Variants in GALNT14 observed in about 807,000 individuals in gnomAD.
GALNT14 encodes polypeptide N-acetylgalactosaminyltransferase 14, also known as UDP-GalNAc:polypeptide N-acetylgalactosaminyltransferase 14.
In GALNT14, 60 loss-of-function variants were observed where a neutral mutation model predicts 77.5. That is an observed-to-expected ratio of 0.77 (90% confidence interval 0.63 to 0.96). GALNT14 has a LOEUF of 0.96. Among genes scored for constraint, GALNT14 ranks in the 40% least tolerant of loss-of-function variants. The pLI, the probability that GALNT14 is intolerant of heterozygous loss-of-function variation, is 0.00. For missense variants in GALNT14, 710 were observed against 731.0 expected (o/e 0.97, Z 0.33); for synonymous variants, 280 against 281.7 (o/e 0.99, Z 0.06).
chr2:31,094,181 C>T (rs1676891659), intron 1 of GALNT14, among the ~76,000 whole-genome samples: 1 of 152,230 alleles, frequency 6.6e-6, no homozygotes, highest in Non-Finnish European at 1.5e-5. Context: ...TCTCCCCAAC[C>T]CTTAAGAAGG....
intron 4 of GALNT14, among the ~76,000 whole-genome samples, chr2:30,957,450 C>T (rs1174709530): frequency 6.6e-6 from 1 of 152,056 alleles, no homozygotes; most frequent in African/African-American, 2.4e-5. Context: ...TGCTTCAGTG[C>T]CAGGCTACCC....
intron 1 of GALNT14, among the ~76,000 whole-genome samples, chr2:31,098,636 A>G (rs867529285): frequency 1.3e-5 from 2 of 152,052 alleles, no homozygotes; most frequent in Middle Eastern, 3.2e-3. Flanking sequence ...ACCCTTGAGC[A>G]GTGTGGGGGT....
intron 1 of GALNT14, among the ~76,000 whole-genome samples, chr2:31,100,027 T>C (rs1677186146): frequency 6.6e-6 from 1 of 152,032 alleles, no homozygotes; most frequent in South Asian, 2.1e-4. Flanking sequence ...TCAGGATCCT[T>C]TTATATACTT....
At position 31,052,588 on chromosome 2, in the gene GALNT14, T is replaced by C. The variant is rs561308868; in HGVS notation, c.130-59581A>G. 1.4e-4 allele frequency among the ~76,000 whole-genome samples: 21 copies of C among 152,240 alleles called. No homozygotes were observed. In the South Asian group the frequency reaches 4.4e-3, roughly 32 times the overall value. Reference sequence around the variant, plus strand: ...TTCCCACTGCAGCAGCCTGGCACTCTAGCTCCTGCCCTCAGCTCACCACTG... The same window carrying C: ...TTCCCACTGCAGCAGCCTGGCACTCCAGCTCCTGCCCTCAGCTCACCACTG... On this transcript the variant is annotated intron_variant, in intron 1 of 14. Transcript: ENST00000349752.
At chr2:30,992,762 C>T (rs527761386) in intron 2 of GALNT14, 76 bp downstream of exon 2, 4 of 1,520,114 alleles carry the variant, frequency 2.6e-6, no homozygotes, top group African/African-American at 2.7e-5. Flanking sequence ...GTGCTGCATA[C>T]AGCAGGCCCC....
intron 1 of GALNT14, among the ~76,000 whole-genome samples, chr2:31,047,125 C>T (rs1224404836): frequency 6.6e-6 from 1 of 152,158 alleles, no homozygotes; most frequent in African/African-American, 2.4e-5. Context: ...CAGTGATTAG[C>T]AGGGGAGTGC....
At chr2:31,078,951 G>A (rs1465426509) in intron 1 of GALNT14, 13 of 1,289,186 alleles carry the variant, frequency 1.0e-5, no homozygotes, top group Non-Finnish European at 1.3e-5. Context: ...GACTCATCTT[G>A]GGCCATGGCT....
intron 2 of GALNT14, among the ~76,000 whole-genome samples, chr2:30,976,337 A>G (rs80145468): frequency 0.024 from 3,589 of 152,282 alleles, 142 homozygotes; most frequent in East Asian, 0.21. Flanking sequence ...GCTGCATTTA[A>G]AGACCTCCTA....
the GALNT14 span, among the ~76,000 whole-genome samples, chr2:30,903,561 C>T: frequency 1.4e-4 from 21 of 152,312 alleles, no homozygotes; most frequent in South Asian, 2.1e-3. Flanking sequence ...CAACAGCCTG[C>T]GAGGAACCAA....
intron 1 of GALNT14, among the ~76,000 whole-genome samples, chr2:31,056,839 C>T (rs114392700): frequency 1.4e-3 from 213 of 152,276 alleles, no homozygotes; most frequent in African/African-American, 4.5e-3. Flanking sequence ...TTTCAAAATA[C>T]TTGCAACACT....
intron 9 of GALNT14, among the ~76,000 whole-genome samples, chr2:30,937,839 G>A (rs1441549278): frequency 6.6e-6 from 1 of 152,150 alleles, no homozygotes; most frequent in Non-Finnish European, 1.5e-5. Context: ...TGGGAGGGCT[G>A]TTCTCCCTAC....
chr2:31,011,994 G>C (rs1210069863), intron 1 of GALNT14, among the ~76,000 whole-genome samples: 1 of 150,118 alleles, frequency 6.7e-6, no homozygotes, highest in Admixed American at 6.6e-5. Context: ...GTTTGAAACG[G>C]GCAGGGGCAA....
intron 1 of GALNT14, among the ~76,000 whole-genome samples, chr2:31,050,343 C>T (rs893886486): frequency 2.6e-5 from 4 of 152,202 alleles, no homozygotes; most frequent in East Asian, 1.9e-4. Flanking sequence ...CTTCCCAGCA[C>T]GTAAGAAGGT....
chr2:30,912,433 G>A (rs1664425052), intron 13 of GALNT14, 91 bp from the exon 14 acceptor site: 1 of 1,453,712 alleles, frequency 6.9e-7, no homozygotes, highest in Admixed American at 2.1e-5. Flanking sequence ...GATTAGCACA[G>A]GCTGGTAAGA....
At position 30,989,583 on chromosome 2, in the gene GALNT14, A is replaced by ATATATATATAAAT. The variant is rs56703340; in HGVS notation, c.299+3254_299+3255insATTTATATATATA. Among the ~76,000 whole-genome samples, 297 of 91,822 alleles carry ATATATATATAAAT rather than the reference A, an allele frequency of 3.2e-3. 1 individual carries two copies. Among genetic ancestry groups the ATATATATATAAAT allele is most frequent in the Admixed American group, 9.4e-3 (66 of 6,996 alleles). The allele number at this position is 91,822 out of a possible 152,430, so 60.2% of individuals were successfully genotyped here. A position where few individuals can be genotyped will look rare whatever the true frequency, so the allele number is the denominator to read the frequency against. On this transcript the variant is annotated intron_variant, in intron 2 of 14. Coordinates refer to ENST00000349752, the MANE Select transcript of GALNT14 (RefSeq NM_024572.4). ...CCTTATATATATATATATATATATA[A>ATATATATATAAAT]AAATATATATATTAGTAGATATATA...
Position 31,138,229 on chromosome 2 carries a change from C to T in GALNT14, c.-143G>A, listed in dbSNP as rs1171110938. 4.9e-6 allele frequency: 5 copies of T among 1,011,202 alleles called. No homozygotes were observed. Among genetic ancestry groups the T allele is most frequent in the Non-Finnish European group, 7.2e-6 (5 of 695,874 alleles). 62.6% of individuals were successfully genotyped at this position (1,011,202 alleles called of 1,614,324 possible). ...GATCCGGTTGGAGGGGCGGCAGGAT[C>T]CTGCAAGGCGCCCTTCCCGCTTCGA... On this transcript the variant is annotated 5_prime_UTR_variant, in exon 1 of 15. Transcript: ENST00000349752.
Position 30,964,244 on chromosome 2 carries a change from C to T in GALNT14, c.398+1960G>A, listed in dbSNP as rs114896655. On this transcript the variant is annotated intron_variant, in intron 3 of 14. Coordinates refer to ENST00000349752, the MANE Select transcript of GALNT14 (RefSeq NM_024572.4). Reference sequence around the variant, plus strand: ...ATGACCGGTGGAGCAGCCACCATGGCGGTGGGGAAGGCAGAGGTTGCAGTT... The same window carrying T: ...ATGACCGGTGGAGCAGCCACCATGGTGGTGGGGAAGGCAGAGGTTGCAGTT... Among the ~76,000 whole-genome samples, 581 of 152,278 alleles carry T rather than the reference C, an allele frequency of 3.8e-3. 6 individuals are homozygous for T. Among genetic ancestry groups the T allele is most frequent in the African/African-American group, 0.013 (559 of 41,552 alleles).
At chr2:30,926,191 T>C (rs1437928426) in intron 11 of GALNT14, among the ~76,000 whole-genome samples, 1 of 152,184 alleles carries the variant, frequency 6.6e-6, no homozygotes, top group Non-Finnish European at 1.5e-5. Context: ...ATTGGGTGTT[T>C]AGCAAGGGCC....
intron 2 of GALNT14, among the ~76,000 whole-genome samples, chr2:30,980,319 G>A (rs1181888496): frequency 1.3e-5 from 2 of 152,234 alleles, no homozygotes; most frequent in African/African-American, 4.8e-5. Context: ...CTGCGGAGCA[G>A]CAGGAAAGAT....
Sources: gnomAD v4.1 joint callset for allele counts (sites outside exome capture counted in the v4.1 genomes callset) on GRCh38, gnomAD v4.1.1 for gene constraint, MANE v1.5 for transcripts, NCBI Gene and HGNC (gene_info 2026-07-23, HGNC 2026-07-21) for gene names.